Variants in OSBPL1A observed in about 807,000 individuals in gnomAD.
OSBPL1A encodes the protein oxysterol binding protein like 1A, also known as oxysterol-binding protein-related protein 1.
OSBPL1A carries 80 observed loss-of-function variants against 137.1 expected under a neutral mutation model. The observed-to-expected ratio is 0.58, with a 90% CI of 0.49 to 0.70. The LOEUF is 0.70. Ranked by LOEUF, OSBPL1A falls within the 30% of genes least tolerant of loss-of-function variation. OSBPL1A has a pLI of 0.00. For missense variants in OSBPL1A, 970 were observed against 1,129.4 expected, an observed-to-expected ratio of 0.86 and a Z score of 2.02; for synonymous variants, 365 against 389.7, an observed-to-expected ratio of 0.94 and a Z score of 0.75.
chr18:24,323,699 C>A (rs1295719778), intron 7 of OSBPL1A, among the ~76,000 whole-genome samples: 2 of 18,862 alleles, frequency 1.1e-4, no homozygotes, highest in Non-Finnish European at 2.0e-4. Context: ...TCCCTCCCCC[C>A]TCCCCCGACC....
intron 14 of OSBPL1A, among the ~76,000 whole-genome samples, chr18:24,289,927 A>G (rs2090145333): frequency 3.3e-5 from 5 of 152,182 alleles, no homozygotes. Flanking sequence ...CGCAACTTAC[A>G]GTATGGTTAT....
At chr18:24,288,505 C>T (rs1427054376) in intron 14 of OSBPL1A, among the ~76,000 whole-genome samples, 3 of 152,252 alleles carry the variant, frequency 2.0e-5, no homozygotes, top group Admixed American at 6.5e-5. Flanking sequence ...CAGTGGCTCA[C>T]GCCTGTAATC....
At chr18:24,343,365 T>G (rs1228162817) in intron 4 of OSBPL1A, among the ~76,000 whole-genome samples, 1 of 152,090 alleles carries the variant, frequency 6.6e-6, no homozygotes, top group African/African-American at 2.4e-5. Flanking sequence ...CGATCATGGA[T>G]GGAAAGACTT....
intron 15 of OSBPL1A, among the ~76,000 whole-genome samples, chr18:24,266,753 G>C (rs1228512420): frequency 6.6e-6 from 1 of 152,068 alleles, no homozygotes; most frequent in East Asian, 1.9e-4. Context: ...TACATTATTA[G>C]AGTCTAAAAA....
chr18:24,272,940 C>A (rs995573014), intron 15 of OSBPL1A, among the ~76,000 whole-genome samples: 6 of 152,156 alleles, frequency 3.9e-5, no homozygotes, highest in Non-Finnish European at 7.4e-5. Flanking sequence ...GAGTCTTGCT[C>A]TGTCGCCCAG....
intron 22 of OSBPL1A, among the ~76,000 whole-genome samples, chr18:24,171,902 T>C (rs777676827): frequency 2.0e-5 from 3 of 151,876 alleles, no homozygotes; most frequent in Non-Finnish European, 4.4e-5. Flanking sequence ...ATTAAATAAA[T>C]GGGCTTCTAG....
intron 16 of OSBPL1A, among the ~76,000 whole-genome samples, chr18:24,229,535 A>T (rs77401420): frequency 0.012 from 1,779 of 152,322 alleles, 29 homozygotes; most frequent in African/African-American, 0.04. Context: ...GGTCACACCA[A>T]TCTATCGCTA....
At chr18:24,376,045 C>G (rs1412952471) in intron 2 of OSBPL1A, among the ~76,000 whole-genome samples, 1 of 152,048 alleles carries the variant, frequency 6.6e-6, no homozygotes, top group Non-Finnish European at 1.5e-5. Flanking sequence ...CAGTGTGGAC[C>G]CAAAGAGTGA....
intron 18 of OSBPL1A, among the ~76,000 whole-genome samples, chr18:24,191,513 GA>G (rs1168876542): frequency 6.9e-6 from 1 of 144,370 alleles, no homozygotes; most frequent in African/African-American, 2.6e-5. Context: ...AAAACCAATT[GA>G]AAAAAATTTT....
chr18:24,215,657 A>G (rs1053690742), intron 17 of OSBPL1A, among the ~76,000 whole-genome samples: 3 of 152,228 alleles, frequency 2.0e-5, no homozygotes, highest in Admixed American at 2.0e-4. Context: ...GGCAAAATTT[A>G]GATTGGCACA....
At chr18:24,230,473 A>G (rs1471039412) in intron 16 of OSBPL1A, among the ~76,000 whole-genome samples, 1 of 152,220 alleles carries the variant, frequency 6.6e-6, no homozygotes, top group Non-Finnish European at 1.5e-5. Context: ...AAACACACAA[A>G]AACCTGTCCC....
chr18:24,271,985 C>G lies in OSBPL1A; in HGVS notation c.1281+8857G>C. The stretch of plus-strand genomic sequence containing the variant: ...CCGGGGCTCGCGGGGAGAGCGCGGG[C>G]GGGCGGCGGCAAGGCCTGCGGCGGG... On this transcript the variant is annotated intron_variant, in intron 15 of 27. Coordinates refer to ENST00000319481, the MANE Select transcript of OSBPL1A (RefSeq NM_080597.4). The surrounding 1 kb of genome is among the most constrained non-coding windows in gnomAD (Gnocchi z 4.0). 1.0e-6 allele frequency: 1 copy of G among 981,800 alleles called. No individual in the cohort carries two copies. Among genetic ancestry groups the G allele is most frequent in the Non-Finnish European group, 1.2e-6 (1 of 828,668 alleles). The allele number at this position is 981,800 out of a possible 1,614,324, so 60.8% of individuals were successfully genotyped here. A position where few individuals can be genotyped will look rare whatever the true frequency, so the allele number is the denominator to read the frequency against.
chr18:24,377,377 CATAAG>C (rs1568064767), intron 2 of OSBPL1A, 31 bp downstream of exon 2: 5 of 1,587,404 alleles, frequency 3.1e-6, no homozygotes, highest in African/African-American at 1.4e-5. Flanking sequence ...AGTGCAGACT[CATAAG>C]AGAAAGCTAC....
Position 24,179,804 on chromosome 18 carries a change from G to A in OSBPL1A, c.1844C>T (p.Ala615Val). 1 of 1,614,176 alleles carries A rather than the reference G, an allele frequency of 6.2e-7. No homozygotes were observed. The highest frequency in any genetic ancestry group is 8.5e-7 in the Non-Finnish European group (1 of 1,180,022). ...TTTTCCAGTCCGTTCCCACTGAGAA[G>A]CAACAGCAGATACAGCAAACGCAGC... ...CVAAFAVSAV[A>V]SQWERTGKPF... The change falls in exon 20 of 28, where the codon GCT (alanine) becomes GTT (valine). Residue 615 changes from alanine (A) to valine (V), a missense_variant. By Grantham distance (64) the Ala-to-Val change is moderately conservative. Coordinates refer to ENST00000319481, the MANE Select transcript of OSBPL1A (RefSeq NM_080597.4).
intron 14 of OSBPL1A, among the ~76,000 whole-genome samples, chr18:24,292,309 G>A (rs1315201678): frequency 6.6e-6 from 1 of 152,158 alleles, no homozygotes; most frequent in Non-Finnish European, 1.5e-5. Context: ...GGCATTAACT[G>A]TGGAAACCCT....
At chr18:24,279,364 G>GGCTGCAGTGAGCCATGACTGC (rs1396119346) in intron 15 of OSBPL1A, among the ~76,000 whole-genome samples, 3 of 152,008 alleles carry the variant, frequency 2.0e-5, no homozygotes, top group African/African-American at 7.3e-5. Context: ...AGGAGGCTGA[G>GGCTGCAGTGAGCCATGACTGC]GCTGCAGTGA....
chr18:24,293,730 G>A (rs948136093), intron 14 of OSBPL1A, among the ~76,000 whole-genome samples: 1 of 152,160 alleles, frequency 6.6e-6, no homozygotes, highest in Non-Finnish European at 1.5e-5. Flanking sequence ...GTGGGGGGCT[G>A]AGGGGTGGAA....
chr18:24,327,252 C>T lies in OSBPL1A; in HGVS notation c.625+5690G>A, dbSNP rs138665032. Among the ~76,000 whole-genome samples, 1,352 of 151,850 alleles carry T rather than the reference C, an allele frequency of 8.9e-3. 21 individuals are homozygous for T. The highest frequency in any genetic ancestry group is 0.031 in the African/African-American group (1,286 of 41,364). ...CCTCCTAAGTAACTGGGATTACAGG[C>T]GTGCTCCACCATGCCCGGCTAATTT... On this transcript the variant is annotated intron_variant, in intron 7 of 27. Transcript: ENST00000319481.
intron 17 of OSBPL1A, among the ~76,000 whole-genome samples, chr18:24,218,887 G>GTA (rs2087796544): frequency 1.3e-5 from 2 of 152,108 alleles, no homozygotes; most frequent in Non-Finnish European, 2.9e-5. Context: ...ACAATGTGCG[G>GTA]TATATATATT....
Sources: gnomAD v4.1 joint callset for allele counts (sites outside exome capture counted in the v4.1 genomes callset) on GRCh38, gnomAD v4.1.1 for gene constraint, Gnocchi (gnomAD v3.1) non-coding constraint, MANE v1.5 for transcripts, NCBI Gene and HGNC (gene_info 2026-07-23, HGNC 2026-07-21) for gene names.